Variants in PEX14 observed in about 807,000 individuals in gnomAD.
The protein encoded by PEX14 is peroxisomal biogenesis factor 14.
In PEX14, 15 loss-of-function variants were observed where a neutral mutation model predicts 49.5. That is an observed-to-expected ratio of 0.30 (90% confidence interval 0.20 to 0.47). The LOEUF is 0.47. Ranked by LOEUF, PEX14 falls within the 20% of genes least tolerant of loss-of-function variation. The pLI is 1.00. For synonymous variants in PEX14, 210 were observed against 212.7 expected, an observed-to-expected ratio of 0.99 and a Z score of 0.11; for missense variants, 398 against 494.8, an observed-to-expected ratio of 0.80 and a Z score of 1.86.
chr1:10,498,487 C>G (rs74994354), intron 2 of PEX14, among the ~76,000 whole-genome samples: 1 of 152,130 alleles, frequency 6.6e-6, no homozygotes, highest in African/African-American at 2.4e-5. Flanking sequence ...AAAACTGTCT[C>G]GAGATTTTGT....
chr1:10,528,545 A>C (rs1638556925), intron 2 of PEX14, among the ~76,000 whole-genome samples: 1 of 152,206 alleles, frequency 6.6e-6, no homozygotes, highest in Non-Finnish European at 1.5e-5. Context: ...CATCTTGGAC[A>C]CTGAGTCATT....
intron 4 of PEX14, among the ~76,000 whole-genome samples, chr1:10,611,805 C>T (rs916222923): frequency 1.3e-5 from 2 of 152,198 alleles, no homozygotes; most frequent in African/African-American, 4.8e-5. Flanking sequence ...GAGTCTCTTC[C>T]AATCTTATGC....
intron 3 of PEX14, among the ~76,000 whole-genome samples, chr1:10,545,482 G>T (rs1460547113): frequency 6.6e-6 from 1 of 152,330 alleles, no homozygotes; most frequent in East Asian, 1.9e-4. Context: ...TGAGCCTGGA[G>T]AATAGGAAGA....
intron 3 of PEX14, among the ~76,000 whole-genome samples, chr1:10,538,374 T>C (rs1238035264): frequency 2.6e-5 from 4 of 152,240 alleles, no homozygotes; most frequent in African/African-American, 9.6e-5. Context: ...ATTTTAGGCA[T>C]CTGGCACCTT....
chr1:10,531,436 T>C (rs1444762205), intron 2 of PEX14, among the ~76,000 whole-genome samples: 3 of 152,148 alleles, frequency 2.0e-5, no homozygotes, highest in Non-Finnish European at 2.9e-5. Flanking sequence ...AAAACTCGAG[T>C]TGGCTTTGGT....
chr1:10,594,422 CA>C (rs1477393192), intron 3 of PEX14, among the ~76,000 whole-genome samples: 1 of 152,210 alleles, frequency 6.6e-6, no homozygotes, highest in East Asian at 1.9e-4. Context: ...GAAGAGGTCC[CA>C]ATGACCAGCC....
chr1:10,495,238 C>G lies in PEX14; in HGVS notation c.37-36C>G. 1 of 1,608,832 alleles carries G rather than the reference C, an allele frequency of 6.2e-7. No homozygotes were observed. Among genetic ancestry groups the G allele is most frequent in the Non-Finnish European group, 8.5e-7 (1 of 1,175,342 alleles). ...GTTTTTTGATGTCCATTGGGTGGCA[C>G]TGTGATCTTATTTTTGTTTCCATTT... On this transcript the variant is annotated intron_variant, in intron 1 of 8. Coordinates refer to ENST00000356607, the MANE Select transcript of PEX14 (RefSeq NM_004565.3). This position sits in a 1 kb window ranked among gnomAD's most constrained non-coding sequence, Gnocchi z 4.2.
chr1:10,551,692 G>A (rs1420395785), intron 3 of PEX14, among the ~76,000 whole-genome samples: 1 of 152,188 alleles, frequency 6.6e-6, no homozygotes, highest in African/African-American at 2.4e-5. Context: ...ATGATGCATT[G>A]TAGAAGTTTT....
At chr1:10,482,520 G>A (rs945406760) in intron 1 of PEX14, among the ~76,000 whole-genome samples, 4 of 149,970 alleles carry the variant, frequency 2.7e-5, no homozygotes, top group South Asian at 2.1e-4. Flanking sequence ...TGCAACCTCC[G>A]TCTCCCGGGT....
rs527729578 is a variant in PEX14, at chr1:10,539,424, C to G, written c.169+3127C>G. On this transcript the variant is annotated intron_variant, in intron 3 of 8. Coordinates refer to ENST00000356607, the MANE Select transcript of PEX14 (RefSeq NM_004565.3). The surrounding 1 kb of genome is among the most constrained non-coding windows in gnomAD (Gnocchi z 4.6). ...AATTTACAACATTTCTTCCTTTTAT[C>G]GGGAATATTTTGGATGAAAGAAAAA... Among the ~76,000 whole-genome samples, 1 of 152,054 alleles carries G rather than the reference C, an allele frequency of 6.6e-6. No individual in the cohort carries two copies. The highest frequency in any genetic ancestry group is 6.6e-5 in the Admixed American group (1 of 15,256).
chr1:10,561,124 C>T (rs964435620), intron 3 of PEX14, among the ~76,000 whole-genome samples: 5 of 152,156 alleles, frequency 3.3e-5, no homozygotes, highest in Non-Finnish European at 7.3e-5. Flanking sequence ...TGACACTTCA[C>T]CTGTAATTAC....
intron 1 of PEX14, among the ~76,000 whole-genome samples, chr1:10,476,523 C>T (rs753541780): frequency 1.3e-5 from 2 of 152,112 alleles, no homozygotes; most frequent in South Asian, 2.1e-4. Flanking sequence ...TTTCTTAAGA[C>T]GGAGTCTCTC....
At chr1:10,544,594 G>A (rs1358179111) in intron 3 of PEX14, among the ~76,000 whole-genome samples, 3 of 152,098 alleles carry the variant, frequency 2.0e-5, no homozygotes, top group Non-Finnish European at 4.4e-5. Context: ...TATGACATAT[G>A]TATAATTGGG....
intron 3 of PEX14, among the ~76,000 whole-genome samples, chr1:10,589,757 G>A (rs1438898228): frequency 2.0e-5 from 3 of 152,174 alleles, no homozygotes; most frequent in Non-Finnish European, 4.4e-5. Flanking sequence ...TTTCTTAGAA[G>A]CAAAATGATT....
At position 10,618,553 on chromosome 1, in the gene PEX14, G is replaced by A. The variant is rs284237; in HGVS notation, c.384+136G>A. On this transcript the variant is annotated intron_variant, in intron 5 of 8. Transcript: ENST00000356607. ...GTGTTGGCAGTGAGAGGCTGTGGTA[G>A]AGGTCGGGGTTCACAGCTGGATCCA... is the stretch of plus-strand genomic sequence containing the variant. The A allele has an allele frequency of 0.15, 113,776 of 750,436 alleles. 10,139 individuals are homozygous for A. The highest frequency in any genetic ancestry group is 0.31 in the African/African-American group (17,860 of 57,956). 46.5% of individuals were successfully genotyped at this position (750,436 alleles called of 1,614,324 possible).
chr1:10,518,236 A>G (rs1642005205), intron 2 of PEX14, among the ~76,000 whole-genome samples: 1 of 152,082 alleles, frequency 6.6e-6, no homozygotes. Flanking sequence ...AGCATGGCTA[A>G]TTTGATATGT....
chr1:10,622,928 C>T, intron 5 of PEX14, 91 bp from the exon 6 acceptor site: 1 of 871,874 alleles, frequency 1.1e-6, no homozygotes, highest in Non-Finnish European at 1.9e-6. Flanking sequence ...CCAGGGATGA[C>T]AGGGAGAAAG....
intron 1 of PEX14, among the ~76,000 whole-genome samples, chr1:10,481,542 A>C (rs1389309925): frequency 5.3e-5 from 8 of 152,080 alleles, no homozygotes; most frequent in Non-Finnish European, 1.2e-4. Context: ...CCTGGGTTCA[A>C]GTGATCCTCC....
Position 10,630,097 on chromosome 1 carries a change from G to T in PEX14, c.*110G>T. 1 of 1,527,064 alleles carries T rather than the reference G, an allele frequency of 6.5e-7. No individual in the cohort carries two copies. 94.6% of individuals were successfully genotyped at this position (1,527,064 alleles called of 1,614,324 possible). On this transcript the variant is annotated 3_prime_UTR_variant, in exon 9 of 9. Coordinates refer to ENST00000356607, the MANE Select transcript of PEX14 (RefSeq NM_004565.3). This position sits in a 1 kb window ranked among gnomAD's most constrained non-coding sequence, Gnocchi z 4.1. ...GAGGGCAGCTTGGAGCCCAGGTAGG[G>T]GGCAGAGCTGTCCTCAGCTGCACTG...
Sources: gnomAD v4.1 joint callset for allele counts (sites outside exome capture counted in the v4.1 genomes callset) on GRCh38, gnomAD v4.1.1 for gene constraint, Gnocchi (gnomAD v3.1) non-coding constraint, MANE v1.5 for transcripts, NCBI Gene and HGNC (gene_info 2026-07-23, HGNC 2026-07-21) for gene names.